Variants in DPY19L1 observed in about 807,000 individuals in gnomAD.
DPY19L1 encodes dpy-19 like C-mannosyltransferase 1.
Under a neutral mutation model 96.9 loss-of-function variants are expected in DPY19L1, and 35 were observed. The observed-to-expected ratio is 0.36, with a 90% CI of 0.28 to 0.48. The LOEUF is 0.48. DPY19L1 is among the 20% of genes least tolerant of loss of function. The probability of loss-of-function intolerance (pLI) is 0.99; values close to 1 mark genes in which losing one functional copy is unlikely to be tolerated. For missense variants in DPY19L1, 521 were observed against 777.9 expected, an observed-to-expected ratio of 0.67 and a Z score of 3.93; for synonymous variants, 205 against 252.6, an observed-to-expected ratio of 0.81 and a Z score of 1.79.
intron 6 of DPY19L1, among the ~76,000 whole-genome samples, chr7:35,008,462 TG>T (rs1406161116): frequency 3.9e-5 from 6 of 152,206 alleles, no homozygotes; most frequent in African/African-American, 1.4e-4. Context: ...CTTCTGCCTT[TG>T]AAAAAACAGT....
intron 6 of DPY19L1, among the ~76,000 whole-genome samples, chr7:35,004,704 A>G (rs961444101): frequency 6.6e-5 from 10 of 152,250 alleles, no homozygotes; most frequent in African/African-American, 2.4e-4. Flanking sequence ...CACTCATATG[A>G]TAGCAATGCA....
intron 17 of DPY19L1, 30 bp from the exon 18 acceptor site, chr7:34,941,914 C>T: frequency 6.4e-7 from 1 of 1,557,408 alleles, no homozygotes; most frequent in East Asian, 2.3e-5. Context: ...GTTTTTTACT[C>T]CTACTGTTTG....
chr7:35,032,250 T>C (rs888024317), intron 1 of DPY19L1, among the ~76,000 whole-genome samples: 1 of 152,172 alleles, frequency 6.6e-6, no homozygotes, highest in African/African-American at 2.4e-5. Flanking sequence ...TATAGCATAC[T>C]AGTTAAGAGC....
chr7:35,028,910 A>C (rs576033549), intron 1 of DPY19L1, among the ~76,000 whole-genome samples: 3 of 152,150 alleles, frequency 2.0e-5, no homozygotes, highest in Non-Finnish European at 4.4e-5. Flanking sequence ...GCACTGGTGG[A>C]TATGTCTTTT....
At chr7:34,974,404 C>A (rs921040029) in intron 7 of DPY19L1, among the ~76,000 whole-genome samples, 11 of 152,158 alleles carry the variant, frequency 7.2e-5, no homozygotes, top group African/African-American at 2.4e-4. Flanking sequence ...ATGACAAAGA[C>A]CATGTCAGAA....
intron 17 of DPY19L1, 96 bp from the exon 18 acceptor site, chr7:34,941,980 T>C (rs1019939055): frequency 3.4e-6 from 4 of 1,183,416 alleles, no homozygotes; most frequent in Non-Finnish European, 3.4e-6. Context: ...TTCTCCTTAG[T>C]AACAAAAAAT....
chr7:35,022,996 T>C (rs2128681340), intron 1 of DPY19L1, among the ~76,000 whole-genome samples: 1 of 152,224 alleles, frequency 6.6e-6, no homozygotes, highest in Middle Eastern at 3.4e-3. Context: ...GGCCATTTCC[T>C]TCCTGCCCCA....
chr7:35,025,048 G>A (rs1786090081), intron 1 of DPY19L1, among the ~76,000 whole-genome samples: 1 of 152,172 alleles, frequency 6.6e-6, no homozygotes, highest in Admixed American at 6.5e-5. Context: ...CCCATTACAT[G>A]AAGGTAAATA....
intron 21 of DPY19L1, among the ~76,000 whole-genome samples, chr7:34,933,374 A>C (rs114711120): frequency 0.03 from 4,507 of 152,344 alleles, 68 homozygotes; most frequent in Non-Finnish European, 0.035. Flanking sequence ...ATAAGTGAGA[A>C]CATACAATAT....
intron 6 of DPY19L1, chr7:35,000,612 G>C (rs1584247661): frequency 3.9e-5 from 6 of 152,254 alleles, no homozygotes; most frequent in African/African-American, 1.4e-4. Flanking sequence ...GGCAATATTA[G>C]AAAGAGTAAA....
At position 34,931,335 on chromosome 7, in the gene DPY19L1, T is replaced by G. The variant is rs1783748436; in HGVS notation, c.*238A>C. On this transcript the variant is annotated 3_prime_UTR_variant, in exon 22 of 22. Coordinates refer to ENST00000638088, the MANE Select transcript of DPY19L1 (RefSeq NM_001366673.1). ...CTTTAGCACAAATATTAAAGTCAAGTACAAGCATATACTCATTTGCATAGC... is the reference window on the plus strand; with the variant it reads ...CTTTAGCACAAATATTAAAGTCAAGGACAAGCATATACTCATTTGCATAGC... 5.3e-6 allele frequency: 2 copies of G among 379,762 alleles called. No individual in the cohort carries two copies. Among genetic ancestry groups the G allele is most frequent in the Non-Finnish European group, 8.9e-6 (2 of 224,884 alleles). The allele number at this position is 379,762 out of a possible 1,614,324, so 23.5% of individuals were successfully genotyped here. A position where few individuals can be genotyped will look rare whatever the true frequency, so the allele number is the denominator to read the frequency against.
At chr7:34,991,567 T>C (rs1308854627) in intron 6 of DPY19L1, among the ~76,000 whole-genome samples, 1 of 152,178 alleles carries the variant, frequency 6.6e-6, no homozygotes, top group East Asian at 1.9e-4. Flanking sequence ...TGATTAGACA[T>C]TAGAAAGGTT....
chr7:34,942,555 GA>G (rs1281165123), intron 17 of DPY19L1, 59 bp downstream of exon 17: 2 of 1,349,184 alleles, frequency 1.5e-6, no homozygotes, highest in East Asian at 2.3e-5. Flanking sequence ...AACTAGAAAG[GA>G]AAGTCCAAAT....
In DPY19L1 at chr7:34,949,826, C is replaced by T. The variant is rs1784233372; in HGVS notation, c.1393G>A (p.Ala465Thr). 6 of 1,604,264 alleles carry T rather than the reference C, an allele frequency of 3.7e-6. No individual in the cohort carries two copies. The highest frequency in any genetic ancestry group is 5.1e-6 in the Non-Finnish European group (6 of 1,175,608). Residue 465 changes from alanine to threonine, a missense_variant, in exon 14 of 22, where the codon GCA (alanine) becomes ACA (threonine). By Grantham distance (58) the Ala-to-Thr change is moderately conservative (BLOSUM62 0). Transcript: ENST00000638088. Reference protein sequence around the residue: ...KDFDTLLYTCAAEFDFMEKET... With the variant: ...KDFDTLLYTCTAEFDFMEKET... ...TTTTCCATAAAGTCAAACTCCGCTG[C>T]ACAGGTATACAATAAAGTATCAAAA... is the stretch of plus-strand genomic sequence containing the variant.
At chr7:34,964,477 C>T (rs1356359737) in intron 10 of DPY19L1, among the ~76,000 whole-genome samples, 2 of 152,074 alleles carry the variant, frequency 1.3e-5, no homozygotes, top group African/African-American at 2.4e-5. Context: ...CATTCATGAA[C>T]AAGGATGTAA....
chr7:35,024,012 T>A (rs1411760230), intron 1 of DPY19L1, among the ~76,000 whole-genome samples: 1 of 151,730 alleles, frequency 6.6e-6, no homozygotes, highest in Non-Finnish European at 1.5e-5. Context: ...ATTTTTTGTA[T>A]TTTTTAGTAG....
intron 1 of DPY19L1, among the ~76,000 whole-genome samples, chr7:35,028,868 T>C (rs1378476395): frequency 6.6e-6 from 1 of 152,236 alleles, no homozygotes; most frequent in Non-Finnish European, 1.5e-5. Flanking sequence ...CCTAACTTCC[T>C]GACATTGCCA....
chr7:34,973,384 TATA>T, intron 8 of DPY19L1, 127 bp downstream of exon 8: 1 of 478,020 alleles, frequency 2.1e-6, no homozygotes, highest in East Asian at 3.7e-5. Flanking sequence ...GTTACACTCT[TATA>T]ATATTTTTAC....
chr7:34,967,058 T>C, intron 9 of DPY19L1, 87 bp from the exon 10 acceptor site: 1 of 989,220 alleles, frequency 1.0e-6, no homozygotes, highest in Non-Finnish European at 1.4e-6. Flanking sequence ...TTTCAACTGA[T>C]TTATATCTAC....
Sources: allele counts gnomAD v4.1 joint callset (sites outside exome capture counted in the v4.1 genomes callset), GRCh38; gene constraint gnomAD v4.1.1; transcripts MANE v1.5; gene names NCBI Gene and HGNC (gene_info 2026-07-23, HGNC 2026-07-21).